The following ZNF75D variants were observed in gnomAD, a reference collection of about 807,000 sequenced individuals.
ZNF75D encodes the protein zinc finger protein 75D.
Under a neutral mutation model 33.3 loss-of-function variants are expected in ZNF75D, and 33 were observed. The observed-to-expected ratio is 0.99, with a 90% confidence interval of 0.75 to 1.32. The LOEUF is 1.32. Among genes scored for constraint, ZNF75D ranks in the 40% most tolerant of loss-of-function variants. The pLI is 0.00. For missense variants in ZNF75D, 338 were observed against 367.5 expected, an observed-to-expected ratio of 0.92 and a Z score of 0.66; for synonymous variants, 113 against 130.6, an observed-to-expected ratio of 0.87 and a Z score of 0.92.
intron 1 of ZNF75D, among the ~76,000 whole-genome samples, chrX:135,271,129 G>A (rs1262840851): frequency 9.0e-6 from 1 of 111,404 alleles, no homozygotes; most frequent in Non-Finnish European, 1.9e-5. Context: ...GTTTTCACCA[G>A]GCCGCTCTAG....
At chrX:135,329,312 C>A (rs1188656490) in intron 1 of ZNF75D, among the ~76,000 whole-genome samples, 2 of 112,025 alleles carry the variant, frequency 1.8e-5, no homozygotes, top group Non-Finnish European at 3.8e-5. Flanking sequence ...GAGACGGAGT[C>A]TTACTCTGTA....
chrX:135,256,727 C>T lies in ZNF75D; in HGVS notation n.828-950G>A, dbSNP rs138220151. 7.0e-4 allele frequency among the ~76,000 whole-genome samples: 78 copies of T among 111,410 alleles called. 1 individual carries two copies. In the East Asian group the frequency reaches 0.02, roughly 28 times the overall value. On this transcript the variant is annotated intron_variant and non_coding_transcript_variant, in intron 1 of 3. Transcript: ENST00000494295. ...GTAGTGCAGCTCATAGCAATTAAAACGTCCCCTTACTTCTGCTTAAGGAGA... is the reference window on the plus strand; with the variant it reads ...GTAGTGCAGCTCATAGCAATTAAAATGTCCCCTTACTTCTGCTTAAGGAGA...
chrX:135,328,831 G>T (rs2084615521), intron 1 of ZNF75D, among the ~76,000 whole-genome samples: 1 of 111,719 alleles, frequency 9.0e-6, no homozygotes, highest in Non-Finnish European at 1.9e-5. Flanking sequence ...GTGGGTTTTT[G>T]GTTTTGGATG....
At chrX:135,314,487 C>T (rs1372952776) in intron 1 of ZNF75D, among the ~76,000 whole-genome samples, 1 of 111,654 alleles carries the variant, frequency 9.0e-6, no homozygotes, top group African/African-American at 3.3e-5. Context: ...GTTTGGGTAT[C>T]AGGGTAATTC....
At chrX:135,272,766 G>C (rs1305001093) in intron 1 of ZNF75D, among the ~76,000 whole-genome samples, 1 of 111,367 alleles carries the variant, frequency 9.0e-6, no homozygotes, top group Non-Finnish European at 1.9e-5. Context: ...AAACACTTCA[G>C]CTATGACAGG....
chrX:135,292,579 T>C (rs1348265337), intron 3 of ZNF75D, 106 bp from the exon 4 acceptor site: 1 of 613,371 alleles, frequency 1.6e-6, no homozygotes, highest in Non-Finnish European at 2.5e-6. Flanking sequence ...ATGCATGACA[T>C]TAGAGAAGTA....
chrX:135,301,274 G>A (rs2084215091), intron 1 of ZNF75D, among the ~76,000 whole-genome samples: 1 of 111,327 alleles, frequency 9.0e-6, no homozygotes, highest in African/African-American at 3.3e-5. Context: ...TCCCTCCCTC[G>A]ACATGTGGGG....
intron 1 of ZNF75D, among the ~76,000 whole-genome samples, chrX:135,314,034 C>T (rs1256249867): frequency 6.3e-5 from 7 of 111,521 alleles, no homozygotes; most frequent in Non-Finnish European, 1.1e-4. Flanking sequence ...GTGTTGAATA[C>T]GAGTCATGAA....
chrX:135,258,641 T>G (rs782345017), intron 1 of ZNF75D, among the ~76,000 whole-genome samples: 1 of 111,705 alleles, frequency 9.0e-6, no homozygotes, highest in Non-Finnish European at 1.9e-5. Context: ...TTGATGGGGT[T>G]GTTTGTTTTT....
intron 1 of ZNF75D, among the ~76,000 whole-genome samples, chrX:135,318,633 A>G (rs2084455112): frequency 8.9e-6 from 1 of 112,069 alleles, no homozygotes; most frequent in Non-Finnish European, 1.9e-5. Context: ...ATTAACAATT[A>G]TAAACAAAAA....
chrX:135,324,496 G>A (rs1313202481), intron 1 of ZNF75D, among the ~76,000 whole-genome samples: 1 of 112,797 alleles, frequency 8.9e-6, no homozygotes, highest in Non-Finnish European at 1.9e-5. Context: ...GCTGCTGTTA[G>A]TATACTAACT....
At chrX:135,339,089 G>A (rs5930691) in intron 1 of ZNF75D, among the ~76,000 whole-genome samples, 27,817 of 109,317 alleles carry the variant, frequency 0.25, 2,858 homozygotes, top group South Asian at 0.44. Context: ...CCAAGAAATT[G>A]TCTGGCTACA....
intron 1 of ZNF75D, among the ~76,000 whole-genome samples, chrX:135,301,427 C>T (rs370843998): frequency 7.2e-5 from 8 of 111,375 alleles, no homozygotes; most frequent in African/African-American, 1.3e-4. Context: ...TAATTCATTC[C>T]GGCATTAACT....
Position 135,292,484 on chromosome X carries a change from T to C in ZNF75D, c.412-11A>G, listed in dbSNP as rs2084058128. ...CTCATGGGCTGTGACCTAGAAATAA[T>C]CCCCATCCTCATTAGCACAGAACTT... is the stretch of plus-strand genomic sequence containing the variant. On this transcript the variant is annotated splice_polypyrimidine_tract_variant and intron_variant, in intron 3 of 6. Coordinates refer to ENST00000370766, the MANE Select transcript of ZNF75D (RefSeq NM_007131.5). The C allele has an allele frequency of 8.3e-7, 1 of 1,207,091 alleles. No homozygotes were observed. The highest frequency in any genetic ancestry group is 3.0e-5 in the East Asian group (1 of 33,805).
chrX:135,300,867 G>A (rs1013998300), intron 1 of ZNF75D, among the ~76,000 whole-genome samples: 9 of 111,785 alleles, frequency 8.1e-5, no homozygotes, highest in Non-Finnish European at 1.5e-4. Flanking sequence ...AAAAGCAAGC[G>A]CTTTGAGGGA....
intron 1 of ZNF75D, among the ~76,000 whole-genome samples, chrX:135,263,702 G>A (rs996293580): frequency 1.8e-5 from 2 of 112,484 alleles, no homozygotes; most frequent in East Asian, 2.8e-4. Context: ...GGAGTGTCCC[G>A]TTTTTCCAGA....
chrX:135,309,070 C>T (rs1382321250), intron 1 of ZNF75D, among the ~76,000 whole-genome samples: 4 of 112,004 alleles, frequency 3.6e-5, no homozygotes, highest in Non-Finnish European at 7.5e-5. Flanking sequence ...AGCCCCTATC[C>T]CAAGTACAGG....
intron 1 of ZNF75D, among the ~76,000 whole-genome samples, chrX:135,257,966 C>T: frequency 9.2e-6 from 1 of 109,050 alleles, no homozygotes; most frequent in East Asian, 2.8e-4. Context: ...CCCGGAGCCC[C>T]CCCACCACCC....
At chrX:135,333,094 GAGAGAGAGAGGC>G (rs1180251522) in intron 1 of ZNF75D, among the ~76,000 whole-genome samples, 2 of 111,797 alleles carry the variant, frequency 1.8e-5, no homozygotes, top group African/African-American at 3.3e-5. Flanking sequence ...GGCAGAGAGA[GAGAGAGAGAGGC>G]AGAGAGAGAG....
Sources: gnomAD v4.1 joint callset for allele counts (sites outside exome capture counted in the v4.1 genomes callset) on GRCh38, gnomAD v4.1.1 for gene constraint, MANE v1.5 for transcripts, NCBI Gene and HGNC (gene_info 2026-07-23, HGNC 2026-07-21) for gene names.